NAV2: variants seen among roughly 807,000 people sequenced by gnomAD.
NAV2 encodes the protein neuron navigator 2.
A neutral mutation model predicts 223.2 loss-of-function variants in NAV2; 54 were observed. The ratio of observed to expected loss-of-function variants is 0.24; its 90% confidence interval spans 0.19 to 0.30. The LOEUF is 0.30. Among genes scored for constraint, NAV2 ranks in the 10% least tolerant of loss-of-function variants. The pLI, the probability that NAV2 is intolerant of heterozygous loss-of-function variation, is 1.00. For missense variants in NAV2, 2,806 were observed against 3,147.5 expected, an observed-to-expected ratio of 0.89 and a Z score of 2.60; for synonymous variants, 1,279 against 1,239.3, an observed-to-expected ratio of 1.03 and a Z score of -0.67.
chr11:19,404,354 G>A lies in NAV2; in HGVS notation c.75+53327G>A, dbSNP rs546369453. On this transcript the variant is annotated intron_variant, in intron 1 of 37. Coordinates refer to the NAV2 transcript ENST00000360655. ...GGCCTGAACTTGGCAAGGGAGCAGA[G>A]CTGAATGCACGTCAGGCTTCTTGCC... 2.0e-5 allele frequency among the ~76,000 whole-genome samples: 3 copies of A among 152,314 alleles called. No individual in the cohort carries two copies. The South Asian group carries it at 6.2e-4, about 32-fold the overall frequency.
intron 1 of NAV2, among the ~76,000 whole-genome samples, chr11:19,388,963 G>A (rs139445904): frequency 6.6e-6 from 1 of 152,308 alleles, no homozygotes; most frequent in East Asian, 1.9e-4. Flanking sequence ...TTTAACTTCA[G>A]AGTTAATGAT....
rs997478938 is a variant in NAV2 at position 19,505,812 on chromosome 11, C to T, written c.75+154785C>T. 2.6e-5 allele frequency: 4 copies of T among 152,262 alleles called. 1 individual carries two copies. The South Asian group carries it at 8.3e-4, about 32-fold the overall frequency. 9.4% of individuals were successfully genotyped at this position (152,262 alleles called of 1,614,324 possible). On this transcript the variant is annotated intron_variant, in intron 1 of 37. Transcript: ENST00000360655. ...GGCTAGCTTCTCTAGAAGATAGAGC[C>T]TGGGGCAAAAATTGAAAGTGAGATG...
chr11:19,449,982 T>G (rs1213063082), intron 1 of NAV2, among the ~76,000 whole-genome samples: 1 of 152,070 alleles, frequency 6.6e-6, no homozygotes, highest in Non-Finnish European at 1.5e-5. Flanking sequence ...GGGAAAGACA[T>G]GACAGGAAGG....
chr11:19,700,689 C>A (rs2152283049), intron 1 of NAV2, among the ~76,000 whole-genome samples: 1 of 152,316 alleles, frequency 6.6e-6, no homozygotes, highest in Non-Finnish European at 1.5e-5. Flanking sequence ...CTTGCCTGGT[C>A]ATCCTCTTTG....
chr11:19,548,545 G>A (rs545620081), intron 1 of NAV2, among the ~76,000 whole-genome samples: 3 of 152,252 alleles, frequency 2.0e-5, no homozygotes, highest in Admixed American at 6.5e-5. Context: ...CTTGACCAAT[G>A]TCCTGCCATC....
At chr11:20,087,608 A>T (rs1368859607) in intron 26 of NAV2, among the ~76,000 whole-genome samples, 2 of 152,200 alleles carry the variant, frequency 1.3e-5, no homozygotes, top group Non-Finnish European at 2.9e-5. Context: ...TGGACAAGAC[A>T]GTGGAAAAAG....
intron 10 of NAV2, among the ~76,000 whole-genome samples, chr11:19,958,827 G>GCTGCTGTCTTCCCTCC (rs1327955482): frequency 3.3e-5 from 5 of 152,234 alleles, no homozygotes; most frequent in African/African-American, 1.2e-4. Flanking sequence ...TTATTATGAG[G>GCTGCTGTCTTCCCTCC]TTGGTGCTTG....
intron 11 of NAV2, among the ~76,000 whole-genome samples, chr11:19,993,115 G>C (rs770820416): frequency 6.6e-6 from 1 of 152,206 alleles, no homozygotes; most frequent in Non-Finnish European, 1.5e-5. Context: ...GACTATATCT[G>C]TGCCCTGCAA....
At chr11:19,511,335 G>A (rs745927527) in intron 1 of NAV2, 10 of 152,258 alleles carry the variant, frequency 6.6e-5, no homozygotes, top group Non-Finnish European at 1.2e-4. Flanking sequence ...GGGATCCAGG[G>A]AGGCTTATGT....
At chr11:19,637,914 T>A (rs137976388) in intron 1 of NAV2, among the ~76,000 whole-genome samples, 2 of 152,380 alleles carry the variant, frequency 1.3e-5, no homozygotes, top group Non-Finnish European at 2.9e-5. Context: ...TTTCCAGGTA[T>A]CTTCTTAGGG....
chr11:19,975,182 A>G (rs1300660125), intron 10 of NAV2, among the ~76,000 whole-genome samples: 1 of 152,234 alleles, frequency 6.6e-6, no homozygotes, highest in East Asian at 1.9e-4. Context: ...TGACAGTTGA[A>G]CCACAGTAAA....
At chr11:19,622,841 T>C (rs557581821) in intron 1 of NAV2, among the ~76,000 whole-genome samples, 3 of 152,340 alleles carry the variant, frequency 2.0e-5, no homozygotes, top group South Asian at 2.1e-4. Flanking sequence ...CGTTAGTTGA[T>C]GCAGTTTCTT....
intron 6 of NAV2, 139 bp downstream of exon 6, chr11:19,892,733 G>T (rs1212919844): frequency 5.6e-6 from 5 of 884,966 alleles, no homozygotes; most frequent in Non-Finnish European, 8.1e-6. Context: ...TATTTGGTAG[G>T]CAGGAACTTT....
chr11:19,912,724 T>C (rs1365883164), intron 6 of NAV2, among the ~76,000 whole-genome samples: 1 of 152,226 alleles, frequency 6.6e-6, no homozygotes, highest in African/African-American at 2.4e-5. Flanking sequence ...TATTTCTCTT[T>C]ACACCCAGCT....
At chr11:19,745,984 C>T (rs941070390) in intron 1 of NAV2, among the ~76,000 whole-genome samples, 1 of 152,166 alleles carries the variant, frequency 6.6e-6, no homozygotes, top group Non-Finnish European at 1.5e-5. Flanking sequence ...ACTGCAGAAT[C>T]CTGCAGTTTC....
intron 11 of NAV2, among the ~76,000 whole-genome samples, chr11:20,008,171 G>A (rs530001052): frequency 3.9e-5 from 6 of 152,074 alleles, no homozygotes; most frequent in African/African-American, 1.4e-4. Context: ...GTTCAAGACC[G>A]GCCTGGCCAA....
At chr11:19,499,966 C>CTA (rs531848653) in intron 1 of NAV2, among the ~76,000 whole-genome samples, 97 of 151,678 alleles carry the variant, frequency 6.4e-4, no homozygotes, top group Non-Finnish European at 8.8e-4. Context: ...GGCCCTGATT[C>CTA]TATATATATA....
Position 19,411,552 on chromosome 11 carries a change from A to C in NAV2, c.75+60525A>C, listed in dbSNP as rs549513360. On this transcript the variant is annotated intron_variant, in intron 1 of 37. Coordinates refer to the NAV2 transcript ENST00000360655. ...ATTTATTATTTATCAAGAGGCTGCT[A>C]TCTCAATCTCAAGGTGCCCTGAGAA... 4.6e-5 allele frequency among the ~76,000 whole-genome samples: 7 copies of C among 152,240 alleles called. No individual in the cohort carries two copies. The East Asian group carries it at 1.4e-3, about 29-fold the overall frequency.
At chr11:20,075,732 A>G (rs1043057344) in intron 22 of NAV2, among the ~76,000 whole-genome samples, 1 of 152,054 alleles carries the variant, frequency 6.6e-6, no homozygotes, top group African/African-American at 2.4e-5. Flanking sequence ...CTTAGATTGA[A>G]ATGTCACTGT....
Sources: gnomAD v4.1 joint callset for allele counts (sites outside exome capture counted in the v4.1 genomes callset) on GRCh38, gnomAD v4.1.1 for gene constraint, MANE v1.5 for transcripts, NCBI Gene and HGNC (gene_info 2026-07-23, HGNC 2026-07-21) for gene names.